Variants in JAGN1 observed in about 807,000 individuals in gnomAD.
JAGN1 encodes protein jagunal homolog 1.
In JAGN1, 13 loss-of-function variants were observed where a neutral mutation model predicts 17.1. That is an observed-to-expected ratio of 0.76 (90% CI 0.49 to 1.21). JAGN1 has a LOEUF of 1.21. JAGN1 is among the 50% of genes most tolerant of loss of function. The probability of loss-of-function intolerance (pLI) is 0.00; values close to 1 mark genes in which losing one functional copy is unlikely to be tolerated. For synonymous variants in JAGN1, 111 were observed against 91.0 expected, an observed-to-expected ratio of 1.22 and a Z score of -1.25; for missense variants, 256 against 234.2, an observed-to-expected ratio of 1.09 and a Z score of -0.61.
chr3:9,892,741 TACTAGAACTTTTTC>T, intron 1 of JAGN1, 160 bp from the exon 2 acceptor site: 1 of 596,528 alleles, frequency 1.7e-6, no homozygotes, highest in Non-Finnish European at 3.0e-6. Flanking sequence ...AACATATATT[TACTAGAACTTTTTC>T]ACTTCATTTT....
chr3:9,892,733 CAT>C (rs1307740698), intron 1 of JAGN1, 180 bp from the exon 2 acceptor site: 6 of 591,176 alleles, frequency 1.0e-5, no homozygotes, highest in African/African-American at 5.6e-5. Flanking sequence ...TATCTGGGAA[CAT>C]ATATTTACTA....
rs1413773554 is a variant in JAGN1 at position 9,893,026 on chromosome 3, G to C, written c.201G>C (p.Gln67His). The part of the protein sequence containing the change: ...VGHLRLLSHD[Q>H]VAMPYQWEYP... ...ACCTGAGGCTCTTGTCACATGATCA[G>C]GTGGCCATGCCCTATCAGTGGGAAT... Residue 67 changes from glutamine (Q) to histidine (H), a missense_variant, in exon 2 of 2, where the codon CAG becomes CAC. Gln to His is a conservative substitution (Grantham distance 24, BLOSUM62 0). Transcript: ENST00000647897. 3.8e-5 allele frequency: 62 copies of C among 1,614,176 alleles called. No individual in the cohort carries two copies. The highest frequency in any genetic ancestry group is 5.3e-5 in the Non-Finnish European group (62 of 1,180,012).
At chr3:9,892,406 C>G (rs2082568853) in intron 1 of JAGN1, among the ~76,000 whole-genome samples, 1 of 150,440 alleles carries the variant, frequency 6.6e-6, no homozygotes, top group Admixed American at 6.7e-5. Flanking sequence ...AACTCCTGGG[C>G]TCAAGCAGTC....
rs2082572609 is a variant in JAGN1 at position 9,892,945 on chromosome 3, G to A, written c.120G>A (p.Leu40=). The change falls in exon 2 of 2, where the codon CTG becomes CTA. Residue 40 remains leucine, a synonymous_variant. Coordinates refer to ENST00000647897, the MANE Select transcript of JAGN1 (RefSeq NM_032492.4). ...CTCTCAAGTATGAAATCAAGAAGCT[G>A]ATCTACGTACATCTGGTCATATGGC... ...SVTLKYEIKK[L]IYVHLVIWLL... 3 of 1,613,194 alleles carry A rather than the reference G, an allele frequency of 1.9e-6. No homozygotes were observed. The highest frequency in any genetic ancestry group is 2.5e-6 in the Non-Finnish European group (3 of 1,179,198).
At chr3:9,892,839 C>T in intron 1 of JAGN1, 76 bp from the exon 2 acceptor site, 1 of 891,748 alleles carries the variant, frequency 1.1e-6, no homozygotes, top group South Asian at 1.6e-5. Flanking sequence ...ATCCCAGTGT[C>T]CAGTACAGTT....
Position 9,893,087 on chromosome 3 carries a change from G to T in JAGN1, c.262G>T (p.Gly88Cys), listed in dbSNP as rs1040348405. The change falls in exon 2 of 2, where the codon GGC becomes TGC. Residue 88 changes from glycine (G) to cysteine (C), a missense_variant. Physicochemically the swap from Gly to Cys is radical, Grantham distance 159. Coordinates refer to ENST00000647897, the MANE Select transcript of JAGN1 (RefSeq NM_032492.4). ...YLLSILPSLL[G>C]LLSFPRNNIS... ...GCTGAGCATTTTGCCCTCTCTCTTGGGCCTTCTCTCCTTTCCCCGCAACAA... is the reference window on the plus strand; with the variant it reads ...GCTGAGCATTTTGCCCTCTCTCTTGTGCCTTCTCTCCTTTCCCCGCAACAA... The T allele has an allele frequency of 6.2e-7, 1 of 1,614,084 alleles. No homozygotes were observed. The highest frequency in any genetic ancestry group is 8.5e-7 in the Non-Finnish European group (1 of 1,180,010).
chr3:9,892,658 T>A (rs2082570772), intron 1 of JAGN1, among the ~76,000 whole-genome samples: 1 of 152,198 alleles, frequency 6.6e-6, no homozygotes, highest in Admixed American at 6.5e-5. Context: ...ATCACCTGCC[T>A]CTAGATAGCC....
At chr3:9,891,005 C>T (rs1559259194) in intron 1 of JAGN1, among the ~76,000 whole-genome samples, 194 bp downstream of exon 1, 1 of 152,230 alleles carries the variant, frequency 6.6e-6, no homozygotes, top group Non-Finnish European at 1.5e-5. Context: ...CGAGCTCCAC[C>T]CCTTGTTCCG....
rs568639170 is a variant in JAGN1, at chr3:9,890,633, C to CG, written c.-85dup. 1.4e-4 allele frequency: 179 copies of CG among 1,234,874 alleles called. No homozygotes were observed. In the African/African-American group the frequency reaches 2.3e-3, roughly 16 times the overall value. The allele number at this position is 1,234,874 out of a possible 1,614,324, so 76.5% of individuals were successfully genotyped here. A position where few individuals can be genotyped will look rare whatever the true frequency, so the allele number is the denominator to read the frequency against. ...TTCTCTTCACGGAGCCGCGCGGCTG[C>CG]GGGGGCGCAAATAGGGTCAGTGGGC... is the stretch of plus-strand genomic sequence containing the variant. On this transcript the variant is annotated 5_prime_UTR_variant, in exon 1 of 2. Transcript: ENST00000647897.
chr3:9,893,569 C>G lies in JAGN1; in HGVS notation c.*192C>G, dbSNP rs1057339265. On this transcript the variant is annotated 3_prime_UTR_variant, in exon 2 of 2. Transcript: ENST00000647897. ...ATAATTTATTCCTGGTTGGCTAGAA[C>G]TGGGTGACCAACAGCTATGAAACAA... The G allele has an allele frequency of 7.0e-6, 4 of 571,338 alleles. No individual in the cohort carries two copies. Among genetic ancestry groups the G allele is most frequent in the Non-Finnish European group, 1.2e-5 (4 of 326,108 alleles). 35.4% of individuals were successfully genotyped at this position (571,338 alleles called of 1,614,324 possible).
In JAGN1 at chr3:9,890,658, C is replaced by G. The variant is rs540405749; in HGVS notation, c.-65C>G. 59 of 1,486,284 alleles carry G rather than the reference C, an allele frequency of 4.0e-5. No individual in the cohort carries two copies. In the South Asian group the frequency reaches 6.7e-4, roughly 17 times the overall value. The allele number at this position is 1,486,284 out of a possible 1,614,324, so 92.1% of individuals were successfully genotyped here. ...CGGGGGCGCAAATAGGGTCAGTGGG[C>G]CGCTTGGCGGTGTCGTTGCGGTACC... On this transcript the variant is annotated 5_prime_UTR_variant, in exon 1 of 2. Coordinates refer to ENST00000647897, the MANE Select transcript of JAGN1 (RefSeq NM_032492.4).
chr3:9,890,714 G>T lies in JAGN1; in HGVS notation c.-9G>T. On this transcript the variant is annotated 5_prime_UTR_variant, in exon 1 of 2. Transcript: ENST00000647897. ...CGCGTGAGGGGTTCGGGGGTTCTGG[G>T]CAGGCACAATGGCGTCTCGAGCAGG... The T allele has an allele frequency of 6.2e-7, 1 of 1,605,086 alleles. No individual in the cohort carries two copies. The highest frequency in any genetic ancestry group is 8.5e-7 in the Non-Finnish European group (1 of 1,176,908).
intron 1 of JAGN1, among the ~76,000 whole-genome samples, chr3:9,892,327 T>TTAG (rs2082567761): frequency 6.7e-6 from 1 of 148,698 alleles, no homozygotes; most frequent in Non-Finnish European, 1.5e-5. Flanking sequence ...TGCCTTTTTA[T>TTAG]TAGTAGTATT....
rs1559260402 is a variant in JAGN1 at position 9,893,660 on chromosome 3, C to T, written c.*283C>T. On this transcript the variant is annotated 3_prime_UTR_variant, in exon 2 of 2. Transcript: ENST00000647897. ...AGAATGAGCTTCGTCCTTGCCTCTA[C>T]TCGGTCATTCTCCCCATTTCCATCC... The T allele has an allele frequency of 2.5e-6, 1 of 397,058 alleles. No homozygotes were observed. Among genetic ancestry groups the T allele is most frequent in the Non-Finnish European group, 4.5e-6 (1 of 219,816 alleles). The allele number at this position is 397,058 out of a possible 1,614,324, so 24.6% of individuals were successfully genotyped here.
At chr3:9,890,853 T>A in intron 1 of JAGN1, 42 bp downstream of exon 1, 1 of 1,500,656 alleles carries the variant, frequency 6.7e-7, no homozygotes, top group Non-Finnish European at 9.1e-7. Flanking sequence ...TCTCCCCCGC[T>A]GGAGCCTGCG....
chr3:9,890,625 C>T lies in JAGN1; in HGVS notation c.-98C>T, dbSNP rs1216325674. ...GCCGGAAGTTCTCTTCACGGAGCCG[C>T]GCGGCTGCGGGGGCGCAAATAGGGT... On this transcript the variant is annotated 5_prime_UTR_variant, in exon 1 of 2. Transcript: ENST00000647897. The T allele has an allele frequency of 8.7e-6, 10 of 1,146,368 alleles. No individual in the cohort carries two copies. The highest frequency in any genetic ancestry group is 2.7e-5 in the East Asian group (1 of 37,100). The allele number at this position is 1,146,368 out of a possible 1,614,324, so 71.0% of individuals were successfully genotyped here. A position where few individuals can be genotyped will look rare whatever the true frequency, so the allele number is the denominator to read the frequency against.
At chr3:9,892,104 C>T in intron 1 of JAGN1, among the ~76,000 whole-genome samples, 1 of 152,126 alleles carries the variant, frequency 6.6e-6, no homozygotes, top group Non-Finnish European at 1.5e-5. Context: ...GTAAGCTCCG[C>T]CTCCCGGGTT....
chr3:9,893,021 G>GC lies in JAGN1; in HGVS notation c.196_197insC (p.Asp66AlafsTer33), dbSNP rs2082573292. 1 of 1,614,030 alleles carries GC rather than the reference G, an allele frequency of 6.2e-7. No individual in the cohort carries two copies. The highest frequency in any genetic ancestry group is 8.5e-7 in the Non-Finnish European group (1 of 1,179,996). ...GGGACACCTGAGGCTCTTGTCACAT[G>GC]ATCAGGTGGCCATGCCCTATCAGTG... On this transcript the variant is annotated frameshift_variant, in exon 2 of 2. Transcript: ENST00000647897. LOFTEE classifies it high-confidence loss of function.
Position 9,890,648 on chromosome 3 carries a change from G to C in JAGN1, c.-75G>C. On this transcript the variant is annotated 5_prime_UTR_variant, in exon 1 of 2. Transcript: ENST00000647897. ...CGCGCGGCTGCGGGGGCGCAAATAG[G>C]GTCAGTGGGCCGCTTGGCGGTGTCG... is the stretch of plus-strand genomic sequence containing the variant. The C allele has an allele frequency of 7.1e-7, 1 of 1,406,932 alleles. No homozygotes were observed. The highest frequency in any genetic ancestry group is 1.4e-5 in the African/African-American group (1 of 70,078). 87.2% of individuals were successfully genotyped at this position (1,406,932 alleles called of 1,614,324 possible).
Sources: gnomAD v4.1 joint callset for allele counts (sites outside exome capture counted in the v4.1 genomes callset) on GRCh38, gnomAD v4.1.1 for gene constraint, MANE v1.5 for transcripts, NCBI Gene and HGNC (gene_info 2026-07-23, HGNC 2026-07-21) for gene names.